Variants in SOX6 observed in about 807,000 individuals in gnomAD.
SOX6 encodes SRY-box transcription factor 6, also known as transcription factor SOX-6.
A neutral mutation model predicts 97.8 loss-of-function variants in SOX6; 11 were observed. That is an observed-to-expected ratio of 0.11 (90% CI 0.07 to 0.19). SOX6 has a LOEUF of 0.19. Among genes scored for constraint, SOX6 ranks in the 10% least tolerant of loss-of-function variants. The pLI, the probability that SOX6 is intolerant of heterozygous loss-of-function variation, is 1.00. For synonymous variants in SOX6, 360 were observed against 371.4 expected (o/e 0.97, Z 0.35); for missense variants, 810 against 1,039.5 (o/e 0.78, Z 3.04).
chr11:16,727,116 C>G (rs1848311965), intron 2 of SOX6, among the ~76,000 whole-genome samples: 1 of 151,930 alleles, frequency 6.6e-6, no homozygotes, highest in Non-Finnish European at 1.5e-5. Flanking sequence ...TCCTTGCTAC[C>G]AGTACACCTA....
intron 13 of SOX6, among the ~76,000 whole-genome samples, chr11:16,002,953 A>G (rs927655127): frequency 3.9e-5 from 6 of 152,208 alleles, no homozygotes; most frequent in African/African-American, 9.6e-5. Flanking sequence ...TTGCTGGACT[A>G]TTATAAAAAC....
At chr11:16,173,609 TTTG>T (rs1340304750) in intron 6 of SOX6, among the ~76,000 whole-genome samples, 10 of 109,434 alleles carry the variant, frequency 9.1e-5, no homozygotes, top group Non-Finnish European at 1.4e-4. Context: ...TAGAAAAGTG[TTTG>T]TTTTTTTTAA....
chr11:16,257,614 C>G (rs902875854), intron 3 of SOX6, among the ~76,000 whole-genome samples: 2 of 151,750 alleles, frequency 1.3e-5, no homozygotes, highest in Non-Finnish European at 2.9e-5. Flanking sequence ...CTAGAGATAA[C>G]ATAGGAGAAA....
chr11:16,022,160 C>T (rs989503043), intron 12 of SOX6, among the ~76,000 whole-genome samples: 1 of 152,092 alleles, frequency 6.6e-6, no homozygotes, highest in South Asian at 2.1e-4. Context: ...TACAGCAACT[C>T]ATAACATATC....
chr11:16,521,530 A>G (rs1006447065), intron 4 of SOX6, among the ~76,000 whole-genome samples: 3 of 151,894 alleles, frequency 2.0e-5, no homozygotes, highest in South Asian at 2.2e-4. Context: ...AAAGATGGGG[A>G]AAAAAACAGA....
upstream of SOX6, among the ~76,000 whole-genome samples, chr11:16,479,512 G>A (rs1286257372): frequency 2.7e-5 from 4 of 150,176 alleles, no homozygotes; most frequent in South Asian, 4.2e-4. Flanking sequence ...CCCGGGCAAC[G>A]GAGTGAGACT....
chr11:16,043,748 G>A (rs1175061265), intron 12 of SOX6, among the ~76,000 whole-genome samples: 1 of 152,166 alleles, frequency 6.6e-6, no homozygotes, highest in Non-Finnish European at 1.5e-5. Context: ...CCTGCTTCAG[G>A]ACTGGAAGAT....
At chr11:16,586,015 G>T (rs1055249788) in intron 4 of SOX6, among the ~76,000 whole-genome samples, 1 of 152,048 alleles carries the variant, frequency 6.6e-6, no homozygotes, top group Non-Finnish European at 1.5e-5. Context: ...ACAAGGAAAG[G>T]TTCAAAGCTT....
At chr11:16,306,901 G>A (rs946826220) in intron 3 of SOX6, among the ~76,000 whole-genome samples, 4 of 152,088 alleles carry the variant, frequency 2.6e-5, no homozygotes, top group Non-Finnish European at 4.4e-5. Context: ...TGGGCTTACA[G>A]GCATGAGCCA....
intron 3 of SOX6, among the ~76,000 whole-genome samples, chr11:16,660,291 T>C (rs1847756573): frequency 6.6e-6 from 1 of 152,204 alleles, no homozygotes. Context: ...TTTGATAAGT[T>C]GCATTTTTAT....
At chr11:16,558,592 T>C (rs767406521) in intron 4 of SOX6, among the ~76,000 whole-genome samples, 2 of 152,024 alleles carry the variant, frequency 1.3e-5, no homozygotes, top group African/African-American at 2.4e-5. Context: ...ATCTCTTCTT[T>C]CTCAAGACTT....
intron 6 of SOX6, among the ~76,000 whole-genome samples, chr11:16,147,817 C>G (rs549399646): frequency 1.3e-5 from 2 of 152,280 alleles, no homozygotes; most frequent in African/African-American, 4.8e-5. Flanking sequence ...AGATTTAAAT[C>G]TTCTAGTTAC....
chr11:16,076,365 G>A (rs150300351), intron 9 of SOX6, among the ~76,000 whole-genome samples: 494 of 149,738 alleles, frequency 3.3e-3, no homozygotes, highest in African/African-American at 0.01. Context: ...TCTGAAAAAG[G>A]TCTAATATGC....
At chr11:16,001,820 G>C (rs575840358) in intron 13 of SOX6, among the ~76,000 whole-genome samples, 3 of 152,302 alleles carry the variant, frequency 2.0e-5, no homozygotes, top group African/African-American at 7.2e-5. Flanking sequence ...TTATGAGCAA[G>C]TGTTATTGTG....
chr11:16,534,795 G>C (rs1015793747), intron 4 of SOX6, among the ~76,000 whole-genome samples: 1 of 152,140 alleles, frequency 6.6e-6, no homozygotes, highest in Non-Finnish European at 1.5e-5. Flanking sequence ...GGCCAAGCAA[G>C]AGACATTTAG....
chr11:16,494,668 G>A lies in SOX6; in HGVS notation n.610-18280C>T, dbSNP rs182575792. Among the ~76,000 whole-genome samples the A allele has an allele frequency of 9.8e-4, 149 of 152,144 alleles. 1 individual carries two copies. Among genetic ancestry groups the A allele is most frequent in the Admixed American group, 8.8e-3 (135 of 15,286 alleles). On this transcript the variant is annotated intron_variant and non_coding_transcript_variant, in intron 4 of 5. Transcript: ENST00000524520. Reference sequence around the variant, plus strand: ...ACTGAAATTCAATAGGGAAGTAATAGGAAATACCTAAGGCAAGGAAGGAAA... The same window carrying A: ...ACTGAAATTCAATAGGGAAGTAATAAGAAATACCTAAGGCAAGGAAGGAAA...
At chr11:16,143,791 C>T (rs571612875) in intron 6 of SOX6, among the ~76,000 whole-genome samples, 23 of 152,212 alleles carry the variant, frequency 1.5e-4, no homozygotes, top group African/African-American at 3.9e-4. Context: ...TAATTCAACA[C>T]GAAGAGCTAA....
intron 8 of SOX6, among the ~76,000 whole-genome samples, chr11:16,096,982 T>C (rs867011975): frequency 6.6e-6 from 1 of 151,842 alleles, no homozygotes; most frequent in Non-Finnish European, 1.5e-5. Context: ...TATTCCAAAC[T>C]CACTTTATTG....
At chr11:16,597,911 T>C (rs1848229057) in intron 4 of SOX6, among the ~76,000 whole-genome samples, 1 of 152,024 alleles carries the variant, frequency 6.6e-6, no homozygotes, top group Non-Finnish European at 1.5e-5. Context: ...TTCCAGACCA[T>C]AGATTAATTC....
Sources: allele counts gnomAD v4.1 joint callset (sites outside exome capture counted in the v4.1 genomes callset), GRCh38; gene constraint gnomAD v4.1.1; transcripts MANE v1.5; gene names NCBI Gene and HGNC (gene_info 2026-07-23, HGNC 2026-07-21).